Variants in MAPK8IP2 observed in about 807,000 individuals in gnomAD.
MAPK8IP2 encodes the protein C-Jun-amino-terminal kinase-interacting protein 2.
A neutral mutation model predicts 75.6 loss-of-function variants in MAPK8IP2; 15 were observed. The observed-to-expected ratio is 0.20, with a 90% CI of 0.13 to 0.31. The LOEUF (loss-of-function observed/expected upper bound fraction) is 0.31. Among genes scored for constraint, MAPK8IP2 ranks in the 10% least tolerant of loss-of-function variants. The pLI is 1.00. For synonymous variants in MAPK8IP2, 632 were observed against 554.5 expected (o/e 1.14, Z -1.96); for missense variants, 1,089 against 1,211.2 (o/e 0.90, Z 1.50).
In MAPK8IP2 at chr22:50,604,380, G is replaced by A. The variant is rs1462342138; in HGVS notation, c.1081G>A (p.Glu361Lys). 2.0e-6 allele frequency: 3 copies of A among 1,529,852 alleles called. No homozygotes were observed. Among genetic ancestry groups the A allele is most frequent in the East Asian group, 5.0e-5 (2 of 40,306 alleles). The allele number at this position is 1,529,852 out of a possible 1,614,324, so 94.8% of individuals were successfully genotyped here. The stretch of plus-strand genomic sequence containing the variant: ...CAACCTGGTGAGCCGCATGATCTCC[G>A]AGGGCTCCTCGCCCATCCGCTGCCC... ...LSNLVSRMIS[E>K]GSSPIRCPGQ... The change falls in exon 5 of 12, where the codon GAG becomes AAG. Residue 361 changes from glutamate (E) to lysine (K), a missense_variant. By Grantham distance (56) the Glu-to-Lys change is moderately conservative. Around this residue, in one of 2 missense-constraint regions of MAPK8IP2, gnomAD observed 960 missense variants for 1,009.6 expected, o/e 0.95. Coordinates refer to ENST00000329492, the MANE Select transcript of MAPK8IP2 (RefSeq NM_012324.6).
At chr22:50,609,570 TG>T (rs1457501353) in intron 10 of MAPK8IP2, 1 of 308,782 alleles carries the variant, frequency 3.2e-6, no homozygotes, top group Non-Finnish European at 6.1e-6. Context: ...CCCGAAGCCA[TG>T]GGGGAATGGA....
At chr22:50,605,248 C>G (rs542648469) in intron 5 of MAPK8IP2, 120 bp from the exon 6 acceptor site, 3 of 1,138,968 alleles carry the variant, frequency 2.6e-6, no homozygotes, top group Non-Finnish European at 3.8e-6. Flanking sequence ...CCTTCCCGCT[C>G]GTAGGACACC....
chr22:50,610,732 G>T lies in MAPK8IP2; in HGVS notation c.2428G>T (p.Glu810Ter). The T allele has an allele frequency of 6.2e-7, 1 of 1,610,904 alleles. No homozygotes were observed. Among genetic ancestry groups the T allele is most frequent in the Non-Finnish European group, 8.5e-7 (1 of 1,178,910 alleles). Residue 810 changes from glutamate (E) to a stop codon, truncating the protein, a stop_gained, in exon 12 of 12, where the codon GAG becomes TAG. Transcript: ENST00000329492. LOFTEE classifies it high-confidence loss of function. The surrounding 1 kb of genome is among the most constrained non-coding windows in gnomAD (Gnocchi z 4.3). ...CCGCGCCTTCCTGGAGTACTACCAAGAGCACCTGGCGTACGCCTGCCCCAC... is the reference window on the plus strand; with the variant it reads ...CCGCGCCTTCCTGGAGTACTACCAATAGCACCTGGCGTACGCCTGCCCCAC... ...VGRAFLEYYQ[E>*]HLAYACPTED...
chr22:50,610,426 AG>A lies in MAPK8IP2; in HGVS notation c.2402+117del. 1 of 917,760 alleles carries A rather than the reference AG, an allele frequency of 1.1e-6. No individual in the cohort carries two copies. Among genetic ancestry groups the A allele is most frequent in the Non-Finnish European group, 1.7e-6 (1 of 586,062 alleles). The allele number at this position is 917,760 out of a possible 1,614,324, so 56.9% of individuals were successfully genotyped here. On this transcript the variant is annotated intron_variant, in intron 11 of 11. Transcript: ENST00000329492. This position sits in a 1 kb window ranked among gnomAD's most constrained non-coding sequence, Gnocchi z 4.3. ...AGGGGAGGTCTGGGGAAGGAGAACC[AG>A]ATGTGCTGTGTAGAGAGGGCAGTGG...
chr22:50,609,769 G>A (rs757174894), intron 10 of MAPK8IP2: 1 of 518,208 alleles, frequency 1.9e-6, no homozygotes, highest in South Asian at 1.4e-5. Context: ...CCGGAAGAGG[G>A]TTTTACAGAC....
At chr22:50,602,096 G>A (rs2070948011) in intron 2 of MAPK8IP2, among the ~76,000 whole-genome samples, 1 of 152,122 alleles carries the variant, frequency 6.6e-6, no homozygotes, top group African/African-American at 2.4e-5. Flanking sequence ...CTCCACGCAG[G>A]GCCTTCCCCA....
rs544106979 is a variant in MAPK8IP2 at position 50,605,586 on chromosome 22, G to C, written c.1866G>C (p.Glu622Asp). The C allele has an allele frequency of 6.3e-7, 1 of 1,597,930 alleles. No individual in the cohort carries two copies. Among genetic ancestry groups the C allele is most frequent in the Non-Finnish European group, 8.5e-7 (1 of 1,172,106 alleles). ...GGTTCATCCCGCGGCATCCAGACGA[G>C]CTGGAGCTGGATGTGGATGACCCTG... ...VFRFIPRHPD[E>D]LELDVDDPVL... The change falls in exon 7 of 12, where the codon GAG becomes GAC. Residue 622 changes from glutamate (E) to aspartate (D), a missense_variant. Transcript: ENST00000329492.
At chr22:50,603,766 G>C (rs1372709399) in intron 4 of MAPK8IP2, 47 bp downstream of exon 4, 2 of 1,544,234 alleles carry the variant, frequency 1.3e-6, no homozygotes, top group Admixed American at 3.9e-5. Context: ...GGGGAGGAGG[G>C]CAGGGAGGAT....
Position 50,610,677 on chromosome 22 carries a change from AGTGGCTG to A in MAPK8IP2, c.2403-25_2403-19del, listed in dbSNP as rs1347893859. The A allele has an allele frequency of 3.2e-6, 5 of 1,580,700 alleles. No individual in the cohort carries two copies. The highest frequency in any genetic ancestry group is 2.7e-5 in the African/African-American group (2 of 74,110). ...GTTTGGGGGTTGAGGACCGGCCCTG[AGTGGCTG>A]GTGGAGGACCGTCTTTCCCCAGCCG... On this transcript the variant is annotated intron_variant, in intron 11 of 11. Transcript: ENST00000329492. This position sits in a 1 kb window ranked among gnomAD's most constrained non-coding sequence, Gnocchi z 4.3.
intron 5 of MAPK8IP2, 142 bp downstream of exon 5, chr22:50,605,206 C>T (rs2146685668): frequency 8.7e-7 from 1 of 1,153,266 alleles, no homozygotes; most frequent in East Asian, 2.5e-5. Flanking sequence ...CCACCCAGGA[C>T]ATGGCATGAG....
chr22:50,603,653 G>C lies in MAPK8IP2; in HGVS notation c.475G>C (p.Asp159His), dbSNP rs578055907. The change falls in exon 4 of 12, where the codon GAC becomes CAC. Residue 159 changes from aspartate (D) to histidine (H), a missense_variant. Asp to His is a moderately conservative substitution (Grantham distance 81). Coordinates refer to ENST00000329492, the MANE Select transcript of MAPK8IP2 (RefSeq NM_012324.6). ...CTCCCTAAACAACAACGGAGGCTTT[G>C]ACCTGGTGCGTCCGGCCTCCTGGCA... ...QDSLNNNGGF[D>H]LVRPASWQET... 5.0e-6 allele frequency: 8 copies of C among 1,593,662 alleles called. No individual in the cohort carries two copies. The Admixed American group carries it at 8.7e-5, about 17-fold the overall frequency.
Position 50,604,316 on chromosome 22 carries a change from G to C in MAPK8IP2, c.1017G>C (p.Pro339=), listed in dbSNP as rs966069123. The change falls in exon 5 of 12, where the codon CCG becomes CCC. Residue 339 remains proline (P), a synonymous_variant. Transcript: ENST00000329492. ...SEYESGSESE[P]DLSEDADSPW... ...ACGAGTCGGGGTCGGAGTCGGAGCC[G>C]GACCTCAGCGAGGACGCGGACTCGC... The C allele has an allele frequency of 3.9e-6, 6 of 1,542,978 alleles. No homozygotes were observed. In the African/African-American group the frequency reaches 6.9e-5, roughly 18 times the overall value.
Position 50,611,024 on chromosome 22 carries a change from C to A in MAPK8IP2, c.*245C>A. On this transcript the variant is annotated 3_prime_UTR_variant, in exon 12 of 12. Coordinates refer to ENST00000329492, the MANE Select transcript of MAPK8IP2 (RefSeq NM_012324.6). This position sits in a 1 kb window ranked among gnomAD's most constrained non-coding sequence, Gnocchi z 5.5. ...ATCCGTTCTTTCTCTGTGTTGTCCT[C>A]CTCCTTCCCTTCCCAGTCTCCCTTT... The A allele has an allele frequency of 6.2e-6, 3 of 487,644 alleles. No homozygotes were observed. The highest frequency in any genetic ancestry group is 1.1e-5 in the Non-Finnish European group (3 of 273,030). The allele number at this position is 487,644 out of a possible 1,614,324, so 30.2% of individuals were successfully genotyped here.
At chr22:50,606,056 TG>T in intron 8 of MAPK8IP2, 122 bp downstream of exon 8, 1 of 820,586 alleles carries the variant, frequency 1.2e-6, no homozygotes, top group Non-Finnish European at 1.9e-6. Context: ...AGGGAGGGTC[TG>T]GGGGATGCTG....
Position 50,604,061 on chromosome 22 carries a change from C to CGACTCGGAG in MAPK8IP2, c.766_774dup (p.Ser256_Asp258dup). The CGACTCGGAG allele has an allele frequency of 6.5e-7, 1 of 1,543,078 alleles. No homozygotes were observed. Among genetic ancestry groups the CGACTCGGAG allele is most frequent in the East Asian group, 2.5e-5 (1 of 40,814 alleles). The stretch of plus-strand genomic sequence containing the variant: ...GCCAGGAGCTGTCCTCGCCCGGCTC[C>CGACTCGGAG]GACTCGGAGGACGCGGGCGGCGCGC... On this transcript the variant is annotated inframe_insertion, in exon 5 of 12. Coordinates refer to ENST00000329492, the MANE Select transcript of MAPK8IP2 (RefSeq NM_012324.6).
rs571754327 is a variant in MAPK8IP2, at chr22:50,610,254, C to T, written c.2346C>T (p.Phe782=). 11 of 1,600,808 alleles carry T rather than the reference C, an allele frequency of 6.9e-6. No homozygotes were observed. Among genetic ancestry groups the T allele is most frequent in the African/African-American group, 4.0e-5 (3 of 74,774 alleles). ...CCAAACACCCCCTGCTGAGCCGCTT[C>T]GCCTGCCACGTCTTTGTCTCCCAGG... ...FITKHPLLSR[F]ACHVFVSQES... The change falls in exon 11 of 12, where the codon TTC becomes TTT. Residue 782 remains phenylalanine, a synonymous_variant. Transcript: ENST00000329492. This position sits in a 1 kb window ranked among gnomAD's most constrained non-coding sequence, Gnocchi z 4.3.
In MAPK8IP2 at chr22:50,604,572, C is replaced by T; in HGVS notation, c.1273C>T (p.Pro425Ser). The T allele has an allele frequency of 2.5e-6, 3 of 1,204,872 alleles. No homozygotes were observed. Among genetic ancestry groups the T allele is most frequent in the Non-Finnish European group, 3.1e-6 (3 of 974,244 alleles). The allele number at this position is 1,204,872 out of a possible 1,614,324, so 74.6% of individuals were successfully genotyped here. A position where few individuals can be genotyped will look rare whatever the true frequency, so the allele number is the denominator to read the frequency against. ...CAPPPPAPAAPRPGPAQPGPC... is the reference protein window; with the variant it reads ...CAPPPPAPAASRPGPAQPGPC... ...GCCGCCGCCGCCCGCGCCCGCCGCG[C>T]CTCGACCCGGCCCCGCGCAGCCCGG... The change falls in exon 5 of 12, where the codon CCT (proline) becomes TCT (serine). Residue 425 changes from proline to serine, a missense_variant. Transcript: ENST00000329492.
In MAPK8IP2 at chr22:50,604,063, A is replaced by T; in HGVS notation, c.764A>T (p.Asp255Val). ...SSQELSSPGSDSEDAGGARLG... is the reference protein window; with the variant it reads ...SSQELSSPGSVSEDAGGARLG... ...CAGGAGCTGTCCTCGCCCGGCTCCG[A>T]CTCGGAGGACGCGGGCGGCGCGCGC... The change falls in exon 5 of 12, where the codon GAC becomes GTC. Residue 255 changes from aspartate (D) to valine (V), a missense_variant. Around this residue, in one of 2 missense-constraint regions of MAPK8IP2, gnomAD observed 960 missense variants for 1,009.6 expected, o/e 0.95. Coordinates refer to ENST00000329492, the MANE Select transcript of MAPK8IP2 (RefSeq NM_012324.6). 1 of 1,541,994 alleles carries T rather than the reference A, an allele frequency of 6.5e-7. No individual in the cohort carries two copies. The highest frequency in any genetic ancestry group is 8.7e-7 in the Non-Finnish European group (1 of 1,152,460).
At position 50,604,822 on chromosome 22, in the gene MAPK8IP2, C is replaced by T; in HGVS notation, c.1523C>T (p.Ala508Val). 2 of 1,565,888 alleles carry T rather than the reference C, an allele frequency of 1.3e-6. No individual in the cohort carries two copies. Among genetic ancestry groups the T allele is most frequent in the African/African-American group, 1.4e-5 (1 of 73,934 alleles). ...CGGGACGCGTCGCTGGTGTACGACG[C>T]GGTCAAGTACACGCTGGTGGTGGAT... ...APRDASLVYD[A>V]VKYTLVVDEH... Residue 508 changes from alanine to valine, a missense_variant, in exon 5 of 12, where the codon GCG (alanine) becomes GTG (valine). Ala to Val is a moderately conservative substitution (Grantham distance 64). This residue lies in a region of MAPK8IP2 where 960 missense variants were observed against 1,009.6 expected (regional missense o/e 0.95). Transcript: ENST00000329492.
Sources: allele counts gnomAD v4.1 joint callset (sites outside exome capture counted in the v4.1 genomes callset), GRCh38; gene constraint gnomAD v4.1.1; regional missense constraint gnomAD v4.1.1; non-coding constraint Gnocchi (gnomAD v3.1); transcripts MANE v1.5; gene names NCBI Gene and HGNC (gene_info 2026-07-23, HGNC 2026-07-21).